The following UGT1A10 variants were observed in gnomAD, a reference collection of about 807,000 sequenced individuals.
UGT1A10 encodes UDP-glucuronosyltransferase 1A10.
UGT1A10 carries 49 observed loss-of-function variants against 45.8 expected under a neutral mutation model. That is an observed-to-expected ratio of 1.07 (90% CI 0.85 to 1.36). UGT1A10 has a LOEUF of 1.36. Among genes scored for constraint, UGT1A10 ranks in the 40% most tolerant of loss-of-function variants. The probability of loss-of-function intolerance (pLI) is 0.00; values close to 1 mark genes in which losing one functional copy is unlikely to be tolerated. For missense variants in UGT1A10, 745 were observed against 668.6 expected, an observed-to-expected ratio of 1.11 and a Z score of -1.26; for synonymous variants, 284 against 249.7, an observed-to-expected ratio of 1.14 and a Z score of -1.29.
chr2:233,713,388 C>CA (rs1287964776), intron 1 of UGT1A10: 1 of 1,614,146 alleles, frequency 6.2e-7, no homozygotes, highest in Admixed American at 1.7e-5. Context: ...GGAGCTACTG[C>CA]ATAATGAGGC....
intron 1 of UGT1A10, among the ~76,000 whole-genome samples, chr2:233,661,631 C>CTTTCTTTCTTTCTTTCT (rs1559329396): frequency 3.3e-5 from 4 of 122,326 alleles, no homozygotes; most frequent in Non-Finnish European, 7.3e-5. Context: ...AATTTTCTTT[C>CTTTCTTTCTTTCTTTCT]TTTCTTTCTT....
chr2:233,695,224 C>T (rs1201439974), intron 1 of UGT1A10, among the ~76,000 whole-genome samples: 1 of 151,202 alleles, frequency 6.6e-6, no homozygotes, highest in East Asian at 2.0e-4. Context: ...CTCCTGGGTT[C>T]AAGCGATTCT....
chr2:233,707,538 CTTT>C (rs753963758), intron 1 of UGT1A10, among the ~76,000 whole-genome samples: 1 of 126,988 alleles, frequency 7.9e-6, no homozygotes, highest in Non-Finnish European at 1.7e-5. Context: ...TTTGTCTTGC[CTTT>C]TTTTTTTTTT....
chr2:233,773,246 T>C lies in UGT1A10; in HGVS notation c.*687T>C, dbSNP rs1484380021. 6.6e-6 allele frequency: 1 copy of C among 152,366 alleles called. No homozygotes were observed. The highest frequency in any genetic ancestry group is 6.5e-5 in the Admixed American group (1 of 15,284). The allele number at this position is 152,366 out of a possible 1,614,324, so 9.4% of individuals were successfully genotyped here. The stretch of plus-strand genomic sequence containing the variant: ...TATGAAGTGCTGGGCAAGTTTACTT[T>C]TTTTCTGATGTTTCCTACAACTAAA... On this transcript the variant is annotated 3_prime_UTR_variant, in exon 5 of 5. Coordinates refer to ENST00000344644, the MANE Select transcript of UGT1A10 (RefSeq NM_019075.4).
intron 1 of UGT1A10, among the ~76,000 whole-genome samples, chr2:233,737,177 G>A (rs566988062): frequency 3.9e-5 from 6 of 152,300 alleles, no homozygotes; most frequent in Middle Eastern, 3.4e-3. Flanking sequence ...AGTCTATAGC[G>A]GCAGTAGCCC....
intron 1 of UGT1A10, among the ~76,000 whole-genome samples, chr2:233,725,254 CA>C (rs1559370489): frequency 1.4e-5 from 1 of 71,856 alleles, no homozygotes; most frequent in Non-Finnish European, 2.5e-5. Flanking sequence ...GCAGAGGAGG[CA>C]GAGGCAGAGG....
chr2:233,682,092 G>A, intron 1 of UGT1A10: 1 of 1,614,070 alleles, frequency 6.2e-7, no homozygotes, highest in South Asian at 1.1e-5. Flanking sequence ...ATCCTCAGGG[G>A]GCATGAGGTG....
chr2:233,671,715 G>A (rs375630792), intron 1 of UGT1A10: 23 of 1,011,324 alleles, frequency 2.3e-5, no homozygotes, highest in Middle Eastern at 3.4e-4. Flanking sequence ...AAGACCATAA[G>A]CTACTGTTGT....
At chr2:233,768,723 C>T (rs1162218085) in intron 4 of UGT1A10, among the ~76,000 whole-genome samples, 1 of 151,234 alleles carries the variant, frequency 6.6e-6, no homozygotes, top group Non-Finnish European at 1.5e-5. Flanking sequence ...GCTGGGATTA[C>T]AGGTGTCCAC....
chr2:233,664,621 G>A lies in UGT1A10; in HGVS notation c.855+27244G>A, dbSNP rs184103900. ...AAAGCAGGATCAAGAGAGAGTTGGTGGGGGAGGTCCACACACTTGACCATA... is the reference window on the plus strand; with the variant it reads ...AAAGCAGGATCAAGAGAGAGTTGGTAGGGGAGGTCCACACACTTGACCATA... On this transcript the variant is annotated intron_variant, in intron 1 of 4. Coordinates refer to ENST00000344644, the MANE Select transcript of UGT1A10 (RefSeq NM_019075.4). 9.9e-5 allele frequency among the ~76,000 whole-genome samples: 15 copies of A among 152,274 alleles called. No homozygotes were observed. The East Asian group carries it at 2.5e-3, about 25-fold the overall frequency.
chr2:233,718,919 G>A, intron 1 of UGT1A10: 1 of 1,614,102 alleles, frequency 6.2e-7, no homozygotes. Context: ...AGGTGTTGGT[G>A]GTGCCCACTG....
chr2:233,747,353 C>A, intron 1 of UGT1A10: 12 of 1,602,858 alleles, frequency 7.5e-6, no homozygotes, highest in Non-Finnish European at 1.0e-5. Flanking sequence ...TGCGGGAGGC[C>A]GTGCGGGAGC....
intron 1 of UGT1A10, among the ~76,000 whole-genome samples, chr2:233,762,777 G>A (rs1698161345): frequency 6.7e-6 from 1 of 149,832 alleles, no homozygotes; most frequent in Non-Finnish European, 1.5e-5. Flanking sequence ...ATCTCTAGCT[G>A]ATTATCTACT....
chr2:233,672,633 A>C, intron 1 of UGT1A10: 1 of 1,613,882 alleles, frequency 6.2e-7, no homozygotes, highest in South Asian at 1.1e-5. Context: ...TAGCCTCTGA[A>C]ATTCTCCAAA....
rs537688236 is a variant in UGT1A10, at chr2:233,769,340, T to C, written c.1295+901T>C. On this transcript the variant is annotated intron_variant, in intron 4 of 4. Coordinates refer to ENST00000344644, the MANE Select transcript of UGT1A10 (RefSeq NM_019075.4). The surrounding 1 kb of genome is among the most constrained non-coding windows in gnomAD (Gnocchi z 4.4). The stretch of plus-strand genomic sequence containing the variant: ...CACTGGTAATAGGCTTATTAGAACC[T>C]TATGGGAAGAAGTGGTGGCCAGTGG... Among the ~76,000 whole-genome samples, 3 of 152,228 alleles carry C rather than the reference T, an allele frequency of 2.0e-5. No individual in the cohort carries two copies. The South Asian group carries it at 6.2e-4, about 32-fold the overall frequency.
At chr2:233,662,817 GTTT>G (rs34052709) in intron 1 of UGT1A10, among the ~76,000 whole-genome samples, 1 of 139,376 alleles carries the variant, frequency 7.2e-6, no homozygotes. Context: ...TTTGCTGAGA[GTTT>G]TTTTTTTTTT....
intron 1 of UGT1A10, chr2:233,755,145 G>A (rs1233085476): frequency 2.3e-6 from 3 of 1,302,660 alleles, no homozygotes; most frequent in South Asian, 1.2e-5. Flanking sequence ...TCTTCTCACC[G>A]CTTCCTCCCT....
chr2:233,691,482 G>A, intron 1 of UGT1A10: 1 of 985,742 alleles, frequency 1.0e-6, no homozygotes, highest in Non-Finnish European at 1.2e-6. Context: ...TGCCAAACTT[G>A]TGGGTGGGAA....
chr2:233,657,586 T>G (rs1251920798), intron 1 of UGT1A10, among the ~76,000 whole-genome samples: 9 of 152,196 alleles, frequency 5.9e-5, no homozygotes, highest in Non-Finnish European at 1.3e-4. Context: ...CCCAGATACC[T>G]CCCACTAAGC....
Sources: allele counts gnomAD v4.1 joint callset (sites outside exome capture counted in the v4.1 genomes callset), GRCh38; gene constraint gnomAD v4.1.1; non-coding constraint Gnocchi (gnomAD v3.1); transcripts MANE v1.5; gene names NCBI Gene and HGNC (gene_info 2026-07-23, HGNC 2026-07-21).